The following ST3GAL3 variants were observed in gnomAD, a reference collection of about 807,000 sequenced individuals.
The protein encoded by ST3GAL3 is CMP-N-acetylneuraminate-beta-1,4-galactoside alpha-2,3-sialyltransferase.
In ST3GAL3, 21 loss-of-function variants were observed where a neutral mutation model predicts 50.1. The observed-to-expected ratio is 0.42, with a 90% CI of 0.30 to 0.60. The LOEUF (loss-of-function observed/expected upper bound fraction) is 0.60. ST3GAL3 is among the 20% of genes least tolerant of loss of function. ST3GAL3 has a pLI of 0.19. For missense variants in ST3GAL3, 353 were observed against 489.4 expected, an observed-to-expected ratio of 0.72 and a Z score of 2.63; for synonymous variants, 183 against 190.0, an observed-to-expected ratio of 0.96 and a Z score of 0.30.
intron 2 of ST3GAL3, among the ~76,000 whole-genome samples, chr1:43,785,759 A>G (rs899021778): frequency 1.3e-5 from 2 of 151,888 alleles, no homozygotes; most frequent in East Asian, 3.9e-4. Context: ...TGTACTTCCC[A>G]ATTTAAATTC....
intron 1 of ST3GAL3, among the ~76,000 whole-genome samples, chr1:43,735,722 G>T (rs554041344): frequency 6.6e-6 from 1 of 152,198 alleles, no homozygotes; most frequent in African/African-American, 2.4e-5. Context: ...AGATAATTTT[G>T]TGTTGTTTTA....
At chr1:43,906,763 A>G (rs1333330363) in intron 9 of ST3GAL3, among the ~76,000 whole-genome samples, 2 of 152,082 alleles carry the variant, frequency 1.3e-5, no homozygotes, top group African/African-American at 2.4e-5. Context: ...GCTGTCACTT[A>G]TTAAGCTCTT....
intron 3 of ST3GAL3, among the ~76,000 whole-genome samples, chr1:43,807,009 A>G (rs2059965461): frequency 6.6e-6 from 1 of 152,240 alleles, no homozygotes. Context: ...ACTTTAAATA[A>G]AGAGAAAGAT....
intron 6 of ST3GAL3, 127 bp downstream of exon 6, chr1:43,894,604 C>A (rs2077113353): frequency 1.2e-6 from 1 of 842,860 alleles, no homozygotes; most frequent in African/African-American, 1.7e-5. Flanking sequence ...CTCAACAAAT[C>A]TTCTCTACCT....
chr1:43,913,831 C>A (rs902421701), intron 9 of ST3GAL3: 10 of 152,168 alleles, frequency 6.6e-5, no homozygotes, highest in African/African-American at 2.2e-4. Flanking sequence ...CGCTGCTGGC[C>A]GAGTAAGAAC....
intron 5 of ST3GAL3, among the ~76,000 whole-genome samples, chr1:43,885,425 GGCTGCCTCGCGTGCCGGGGT>G (rs1167365416): frequency 4.6e-4 from 70 of 152,168 alleles, no homozygotes; most frequent in African/African-American, 1.6e-3. Context: ...CTGATCCTGA[GGCTGCCTCGCGTGCCGGGGT>G]GCTGGCGGGG....
At chr1:43,846,075 T>C (rs1180828809) in intron 5 of ST3GAL3, among the ~76,000 whole-genome samples, 1 of 152,192 alleles carries the variant, frequency 6.6e-6, no homozygotes, top group African/African-American at 2.4e-5. Context: ...TTTTGGTGAA[T>C]ATTCTGTGTG....
intron 2 of ST3GAL3, among the ~76,000 whole-genome samples, chr1:43,773,684 A>G (rs1338032708): frequency 1.3e-5 from 2 of 152,214 alleles, no homozygotes; most frequent in Non-Finnish European, 2.9e-5. Context: ...TCCTGAAAAA[A>G]CAAAGTTTTT....
intron 1 of ST3GAL3, among the ~76,000 whole-genome samples, chr1:43,712,472 C>A (rs1462436274): frequency 6.6e-6 from 1 of 152,164 alleles, no homozygotes; most frequent in African/African-American, 2.4e-5. Context: ...AGGCTCTGTG[C>A]TAGGTGGTGG....
intron 3 of ST3GAL3, among the ~76,000 whole-genome samples, chr1:43,804,913 G>A (rs2059702676): frequency 6.6e-6 from 1 of 152,156 alleles, no homozygotes; most frequent in Non-Finnish European, 1.5e-5. Context: ...AAGACTCCAG[G>A]TCTCAGGGCA....
chr1:43,775,960 T>C (rs1191973085), intron 2 of ST3GAL3, among the ~76,000 whole-genome samples: 1 of 152,198 alleles, frequency 6.6e-6, no homozygotes, highest in Non-Finnish European at 1.5e-5. Context: ...CACAGTATGG[T>C]CAGTGTTTCC....
At chr1:43,803,993 T>G (rs2059604695) in intron 3 of ST3GAL3, among the ~76,000 whole-genome samples, 2 of 152,208 alleles carry the variant, frequency 1.3e-5, no homozygotes, top group African/African-American at 2.4e-5. Context: ...TCTGCTTTCA[T>G]ACCTGGGGAG....
chr1:43,844,942 T>G (rs1412646028), intron 5 of ST3GAL3, among the ~76,000 whole-genome samples: 1 of 152,210 alleles, frequency 6.6e-6, no homozygotes, highest in African/African-American at 2.4e-5. Flanking sequence ...TTTGTATTTT[T>G]TATTATTTCA....
At chr1:43,791,960 A>G (rs890385573) in intron 2 of ST3GAL3, 142 bp from the exon 3 acceptor site, 12 of 937,678 alleles carry the variant, frequency 1.3e-5, no homozygotes, top group South Asian at 6.7e-5. Flanking sequence ...ATGGGTGGGC[A>G]TGGGCCTGGG....
At chr1:43,744,944 T>G (rs867034835) in intron 2 of ST3GAL3, among the ~76,000 whole-genome samples, 1 of 151,678 alleles carries the variant, frequency 6.6e-6, no homozygotes, top group Non-Finnish European at 1.5e-5. Context: ...TGAGCCAAGA[T>G]CGTGCCACTG....
intron 5 of ST3GAL3, among the ~76,000 whole-genome samples, chr1:43,859,228 T>C (rs1424077835): frequency 1.3e-5 from 2 of 152,104 alleles, no homozygotes; most frequent in African/African-American, 2.4e-5. Context: ...TGTGACATCT[T>C]TGTGGCCCTT....
chr1:43,858,197 G>T (rs1283306958), intron 5 of ST3GAL3: 6 of 1,289,436 alleles, frequency 4.7e-6, no homozygotes, highest in Non-Finnish European at 6.1e-6. Context: ...CGCCAGAGGT[G>T]AAGACAGAGG....
rs143298332 is a variant in ST3GAL3 at position 43,837,970 on chromosome 1, A to T, written c.210-249A>T. On this transcript the variant is annotated intron_variant, in intron 4 of 11. Coordinates refer to ENST00000347631, the MANE Select transcript of ST3GAL3 (RefSeq NM_006279.5). ...TGAAGTGCTGATTGTAGGGAATGAAACTTGATTCAAGGTTTAAACACCTTA... is the reference window on the plus strand; with the variant it reads ...TGAAGTGCTGATTGTAGGGAATGAATCTTGATTCAAGGTTTAAACACCTTA... 9.2e-5 allele frequency among the ~76,000 whole-genome samples: 14 copies of T among 152,052 alleles called. No individual in the cohort carries two copies. The East Asian group carries it at 2.7e-3, about 29-fold the overall frequency.
intron 9 of ST3GAL3, among the ~76,000 whole-genome samples, chr1:43,904,921 G>A (rs977009656): frequency 4.8e-3 from 10 of 2,084 alleles, no homozygotes; most frequent in African/African-American, 9.0e-3. Flanking sequence ...TCCTCTTCCC[G>A]CCACTCTTCC....
Sources: gnomAD v4.1 joint callset for allele counts (sites outside exome capture counted in the v4.1 genomes callset) on GRCh38, gnomAD v4.1.1 for gene constraint, MANE v1.5 for transcripts, NCBI Gene and HGNC (gene_info 2026-07-23, HGNC 2026-07-21) for gene names.